The following TRIM37 variants were observed in gnomAD, a reference collection of about 807,000 sequenced individuals.
TRIM37 encodes tripartite motif containing 37.
TRIM37 carries 80 observed loss-of-function variants against 129.8 expected under a neutral mutation model. The observed-to-expected ratio is 0.62, with a 90% CI of 0.51 to 0.74. The LOEUF (loss-of-function observed/expected upper bound fraction) is 0.74. Among genes scored for constraint, TRIM37 ranks in the 30% least tolerant of loss-of-function variants. TRIM37 has a pLI of 0.00. For missense variants in TRIM37, 1,054 were observed against 1,176.5 expected (o/e 0.90, Z 1.52); for synonymous variants, 389 against 387.1 (o/e 1.00, Z -0.06).
At chr17:58,978,100 CAA>C (rs762078674), downstream of TRIM37, among the ~76,000 whole-genome samples, 4 of 152,196 alleles carry the variant, frequency 2.6e-5, no homozygotes, top group African/African-American at 7.2e-5. Flanking sequence ...TCAGATTACT[CAA>C]GTGAGTTTAT....
In TRIM37 at chr17:58,998,470, T is replaced by C. The variant is rs1035856048; in HGVS notation, c.*907A>G. On this transcript the variant is annotated 3_prime_UTR_variant, in exon 24 of 24. Coordinates refer to ENST00000262294, the MANE Select transcript of TRIM37 (RefSeq NM_015294.6). ...ACAATGGCAAAGTTTGGCAACTGTT[T>C]TGGGCTAATTATGAGTATGAAAGAA... is the stretch of plus-strand genomic sequence containing the variant. 9.1e-6 allele frequency: 9 copies of C among 985,460 alleles called. No individual in the cohort carries two copies. Among genetic ancestry groups the C allele is most frequent in the Non-Finnish European group, 1.1e-5 (9 of 829,928 alleles). 61.0% of individuals were successfully genotyped at this position (985,460 alleles called of 1,614,324 possible). A position where few individuals can be genotyped will look rare whatever the true frequency, so the allele number is the denominator to read the frequency against.
At chr17:59,089,060 G>A (rs892232275) in intron 3 of TRIM37, among the ~76,000 whole-genome samples, 22 of 152,100 alleles carry the variant, frequency 1.4e-4, no homozygotes, top group Non-Finnish European at 1.8e-4. Flanking sequence ...CCAGGTGTTC[G>A]AGACCAGCCT....
rs570269999 is a variant in TRIM37 at position 59,106,455 on chromosome 17, C to T, written c.7G>A (p.Glu3Lys). Residue 3 changes from glutamate to lysine, a missense_variant, in exon 1 of 24, where the codon GAA becomes AAA. Physicochemically the swap from Glu to Lys is moderately conservative, Grantham distance 56. Transcript: ENST00000262294. ...AACCCCCTCACCTCCACGCTCTGTT[C>T]ATCCATTGCCTCCGGCTCTCGGCGG... MDEQSVESIAEVF... is the reference protein window; with the variant it reads MDKQSVESIAEVF... 1 of 1,614,156 alleles carries T rather than the reference C, an allele frequency of 6.2e-7. No individual in the cohort carries two copies. The highest frequency in any genetic ancestry group is 1.1e-5 in the South Asian group (1 of 91,080).
downstream of TRIM37, among the ~76,000 whole-genome samples, chr17:58,996,172 A>G (rs1337509247): frequency 1.3e-5 from 2 of 151,982 alleles, no homozygotes; most frequent in Non-Finnish European, 2.9e-5. Flanking sequence ...ACCAATAAAA[A>G]AGTATCAACA....
At chr17:59,047,606 A>T in intron 16 of TRIM37, 77 bp downstream of exon 16, 1 of 1,447,084 alleles carries the variant, frequency 6.9e-7, no homozygotes, top group East Asian at 2.3e-5. Context: ...ATATCCCTAC[A>T]TTTAAGTGTG....
chr17:59,064,342 C>CA lies in TRIM37; in HGVS notation c.860+12dup, dbSNP rs769031205. 1 of 1,592,354 alleles carries CA rather than the reference C, an allele frequency of 6.3e-7. No homozygotes were observed. The highest frequency in any genetic ancestry group is 1.1e-5 in the South Asian group (1 of 88,286). On this transcript the variant is annotated intron_variant, in intron 10 of 23. Coordinates refer to ENST00000262294, the MANE Select transcript of TRIM37 (RefSeq NM_015294.6). ...ACACATACAAAAAAACCAGAATTGT[C>CA]AAAAACTCTTACCTGAAATTCTCTA...
At chr17:58,992,281 TTATATTTATA>T (rs1347397802) in intron 24 of TRIM37, among the ~76,000 whole-genome samples, 29 of 141,056 alleles carry the variant, frequency 2.1e-4, no homozygotes, top group East Asian at 1.2e-3. Context: ...ATATATATAT[TTATATTTATA>T]TATATTTATA....
At chr17:59,040,378 C>T (rs1038999388) in intron 17 of TRIM37, among the ~76,000 whole-genome samples, 3 of 151,898 alleles carry the variant, frequency 2.0e-5, no homozygotes, top group South Asian at 2.1e-4. Context: ...AATTTATGCA[C>T]GATTTAGGAC....
chr17:58,991,845 T>C (rs182915432), intron 24 of TRIM37, among the ~76,000 whole-genome samples: 12 of 152,172 alleles, frequency 7.9e-5, no homozygotes, highest in South Asian at 2.1e-4. Flanking sequence ...ACTGTGGAGG[T>C]TGGGCAGCGT....
At chr17:59,051,678 G>A (rs2040358102) in intron 13 of TRIM37, among the ~76,000 whole-genome samples, 1 of 151,936 alleles carries the variant, frequency 6.6e-6, no homozygotes, top group Non-Finnish European at 1.5e-5. Context: ...CTCCTATAAG[G>A]AGGAAGATAA....
intron 17 of TRIM37, among the ~76,000 whole-genome samples, chr17:59,036,121 C>T (rs542606723): frequency 1.3e-5 from 2 of 152,208 alleles, no homozygotes; most frequent in Admixed American, 6.5e-5. Context: ...CTTCTAACAT[C>T]TGTGGTCCAG....
chr17:58,969,267 G>T, the TRIM37 span, among the ~76,000 whole-genome samples: 3 of 152,048 alleles, frequency 2.0e-5, no homozygotes, highest in Non-Finnish European at 4.4e-5. Flanking sequence ...CATGGTACAA[G>T]ACAACAACTT....
downstream of TRIM37, chr17:58,980,438 T>C: frequency 6.2e-7 from 1 of 1,613,976 alleles, no homozygotes; most frequent in Non-Finnish European, 8.5e-7. This position sits in a 1 kb window ranked among gnomAD's most constrained non-coding sequence, Gnocchi z 4.7. Context: ...GAGCCCAGGG[T>C]CCCAAATCAA....
At chr17:59,094,069 A>G (rs2147378012) in intron 2 of TRIM37, among the ~76,000 whole-genome samples, 1 of 152,108 alleles carries the variant, frequency 6.6e-6, no homozygotes, top group Admixed American at 6.6e-5. Flanking sequence ...TGGTTTTCGT[A>G]TTTTTATTAG....
chr17:59,088,550 T>C, intron 3 of TRIM37, 143 bp from the exon 4 acceptor site: 5 of 665,224 alleles, frequency 7.5e-6, no homozygotes, highest in Non-Finnish European at 1.1e-5. Flanking sequence ...TCTCACTCTA[T>C]GACCCAGGGT....
At chr17:59,049,509 T>A (rs1242123855) in intron 14 of TRIM37, 116 bp from the exon 15 acceptor site, 5 of 952,876 alleles carry the variant, frequency 5.2e-6, no homozygotes, top group Non-Finnish European at 8.1e-6. Flanking sequence ...TTATTTATTT[T>A]TTGAGAATGG....
intron 3 of TRIM37, among the ~76,000 whole-genome samples, chr17:59,089,839 G>A (rs1351154781): frequency 1.3e-5 from 2 of 152,058 alleles, no homozygotes; most frequent in African/African-American, 4.8e-5. Flanking sequence ...AGTGGTTCAC[G>A]CTGCAATCCT....
downstream of TRIM37, among the ~76,000 whole-genome samples, chr17:58,993,370 C>T (rs1345064437): frequency 6.6e-6 from 1 of 152,170 alleles, no homozygotes; most frequent in African/African-American, 2.4e-5. Flanking sequence ...CAAACGTTTA[C>T]AAGAGTCTAA....
intron 22 of TRIM37, 113 bp downstream of exon 22, chr17:59,012,215 C>CCAGCAG (rs749441889): frequency 2.3e-5 from 13 of 567,494 alleles, no homozygotes; most frequent in African/African-American, 1.2e-4. Flanking sequence ...ATCACTACCA[C>CCAGCAG]CAGCAGCAGC....
Sources: allele counts gnomAD v4.1 joint callset (sites outside exome capture counted in the v4.1 genomes callset), GRCh38; gene constraint gnomAD v4.1.1; non-coding constraint Gnocchi (gnomAD v3.1); transcripts MANE v1.5; gene names NCBI Gene and HGNC (gene_info 2026-07-23, HGNC 2026-07-21).